Variants in CFAP74 observed in about 807,000 individuals in gnomAD.
The protein encoded by CFAP74 is cilia and flagella associated protein 74, also known as cilia- and flagella-associated protein 74.
Under a neutral mutation model 188.9 loss-of-function variants are expected in CFAP74, and 124 were observed. The ratio of observed to expected loss-of-function variants is 0.66; its 90% CI spans 0.57 to 0.76. The LOEUF (loss-of-function observed/expected upper bound fraction) is 0.76. Among genes scored for constraint, CFAP74 ranks in the 30% least tolerant of loss-of-function variants. The pLI is 0.00. For missense variants in CFAP74, 2,198 were observed against 2,165.2 expected (o/e 1.02, Z -0.30); for synonymous variants, 956 against 916.7 (o/e 1.04, Z -0.77).
chr1:1,965,026 G>T lies in CFAP74; in HGVS notation c.1437C>A (p.Gly479=). The change falls in exon 13 of 39, where the codon GGC becomes GGA. Residue 479 remains glycine (G), a synonymous_variant. Transcript: ENST00000682832. The stretch of plus-strand genomic sequence containing the variant: ...GGATGTCCTTGTCCATCTTTGTCCC[G>T]CCCACGGGCTTTCGGTCCACGTCCT... The part of the protein sequence containing the change: ...PKEDVDRKPV[G]GTKMDKDILE... 1 of 1,613,608 alleles carries T rather than the reference G, an allele frequency of 6.2e-7. No homozygotes were observed. Among genetic ancestry groups the T allele is most frequent in the South Asian group, 1.1e-5 (1 of 91,028 alleles).
At chr1:1,986,711 C>G (rs550399583) in intron 5 of CFAP74, among the ~76,000 whole-genome samples, 1 of 152,378 alleles carries the variant, frequency 6.6e-6, no homozygotes, top group East Asian at 1.9e-4. Context: ...CTTCCCCTGA[C>G]TGCTGACCCA....
chr1:1,952,688 C>T (rs1006488807), intron 18 of CFAP74, among the ~76,000 whole-genome samples: 10 of 151,766 alleles, frequency 6.6e-5, no homozygotes, highest in African/African-American at 2.4e-4. Flanking sequence ...GAGACAGGGT[C>T]TCTGTCGCCC....
rs78887406 is a variant in CFAP74, at chr1:1,990,736, A to G, written c.67+154T>C. ...CCACAATTTATCTTTCTTTCAAATA[A>G]AGACAATAATATAAGCTCCCTCTTT... On this transcript the variant is annotated intron_variant, in intron 2 of 38. Transcript: ENST00000682832. 1.3e-4 allele frequency among the ~76,000 whole-genome samples: 20 copies of G among 152,342 alleles called. No homozygotes were observed. In the East Asian group the frequency reaches 3.9e-3, roughly 29 times the overall value.
chr1:1,940,255 C>G, intron 23 of CFAP74, 61 bp downstream of exon 23: 1 of 1,351,862 alleles, frequency 7.4e-7, no homozygotes, highest in East Asian at 2.5e-5. Flanking sequence ...GCCTGGCCTC[C>G]CAGGAAAGCC....
At chr1:1,922,859 A>C in intron 37 of CFAP74, 126 bp downstream of exon 37, 1 of 1,481,962 alleles carries the variant, frequency 6.7e-7, no homozygotes, top group Non-Finnish European at 9.0e-7. Context: ...TGCCACAGGA[A>C]GTCCGAGAAA....
chr1:1,944,482 G>A (rs1250736035), intron 20 of CFAP74, 30 bp from the exon 21 acceptor site: 43 of 1,532,882 alleles, frequency 2.8e-5, no homozygotes, highest in Non-Finnish European at 3.8e-5. Context: ...CTCAGCAACA[G>A]GAGTTCCTTG....
At chr1:1,951,504 GTCTCTA>G (rs1276036807) in intron 18 of CFAP74, among the ~76,000 whole-genome samples, 1 of 152,160 alleles carries the variant, frequency 6.6e-6, no homozygotes, top group Non-Finnish European at 1.5e-5. Flanking sequence ...GTTCCGTTGG[GTCTCTA>G]TCTCTGTTCA....
chr1:1,936,721 TAGTG>T (rs893553619), intron 25 of CFAP74, among the ~76,000 whole-genome samples: 3 of 151,764 alleles, frequency 2.0e-5, no homozygotes, highest in African/African-American at 7.3e-5. Flanking sequence ...TTGGGCAACA[TAGTG>T]AGACCCCATC....
At position 1,926,097 on chromosome 1, in the gene CFAP74, G is replaced by T. The variant is rs1045040655; in HGVS notation, c.3948+131C>A. The T allele has an allele frequency of 4.3e-6, 6 of 1,409,542 alleles. No individual in the cohort carries two copies. The African/African-American group carries it at 7.3e-5, about 17-fold the overall frequency. 87.3% of individuals were successfully genotyped at this position (1,409,542 alleles called of 1,614,324 possible). ...TGGCGGCTGGTGTGAGGGCCTGGGG[G>T]CCAGGCTGCTCGCAGACCCAGGCTT... On this transcript the variant is annotated intron_variant, in intron 32 of 38. Coordinates refer to ENST00000682832, the MANE Select transcript of CFAP74 (RefSeq NM_001304360.2).
intron 22 of CFAP74, among the ~76,000 whole-genome samples, chr1:1,941,138 A>G (rs149454003): frequency 1.1e-4 from 16 of 152,158 alleles, no homozygotes; most frequent in African/African-American, 3.6e-4. Flanking sequence ...AAAGAAAGAA[A>G]TATCAGGAGA....
rs552586079 is a variant in CFAP74, at chr1:1,997,171, C to T, written c.-19-6196G>A. Among the ~76,000 whole-genome samples, 106 of 152,014 alleles carry T rather than the reference C, an allele frequency of 7.0e-4. 1 individual carries two copies. Among genetic ancestry groups the T allele is most frequent in the Admixed American group, 1.6e-3 (24 of 15,274 alleles). On this transcript the variant is annotated intron_variant, in intron 1 of 38. Coordinates refer to ENST00000682832, the MANE Select transcript of CFAP74 (RefSeq NM_001304360.2). ...GGCGCGGTGGCGCACGCCTGTAATCCCAGCACTTTGGGAGGCTAAGGTTGG... is the reference window on the plus strand; with the variant it reads ...GGCGCGGTGGCGCACGCCTGTAATCTCAGCACTTTGGGAGGCTAAGGTTGG...
intron 17 of CFAP74, 33 bp downstream of exon 17, chr1:1,956,587 C>T: frequency 1.2e-6 from 2 of 1,612,944 alleles, no homozygotes; most frequent in South Asian, 2.2e-5. Flanking sequence ...GGGCAGGTCC[C>T]CACACTCCCC....
intron 38 of CFAP74, 74 bp downstream of exon 38, chr1:1,922,515 C>T (rs927441952): frequency 3.0e-5 from 47 of 1,569,284 alleles, no homozygotes; most frequent in Non-Finnish European, 4.0e-5. Flanking sequence ...TCCCCTGGGA[C>T]TGGGCAGGGG....
At position 1,968,103 on chromosome 1, in the gene CFAP74, ATGAGTGAATGAATGAAGAATGAG is replaced by A. The variant is rs1369772332; in HGVS notation, c.1245+509_1245+531del. Among the ~76,000 whole-genome samples the A allele has an allele frequency of 1.3e-5, 2 of 151,840 alleles. No individual in the cohort carries two copies. The highest frequency in any genetic ancestry group is 6.5e-5 in the Admixed American group (1 of 15,282). ...GAGTAAAGAGTGAATGAGTGAATGA[ATGAGTGAATGAATGAAGAATGAG>A]TGAGTGAATGAATGAAGAAAGAATG... On this transcript the variant is annotated intron_variant, in intron 11 of 38. Transcript: ENST00000682832. The surrounding 1 kb of genome is among the most constrained non-coding windows in gnomAD (Gnocchi z 4.3).
At chr1:1,993,924 G>A (rs1428756863) in intron 1 of CFAP74, among the ~76,000 whole-genome samples, 3 of 151,010 alleles carry the variant, frequency 2.0e-5, no homozygotes, top group Non-Finnish European at 4.4e-5. Context: ...GGAGCTTGCA[G>A]TGAGCCGAGA....
Position 1,930,048 on chromosome 1 carries a change from G to A in CFAP74, c.3288+12C>T, listed in dbSNP as rs753648470. ...TCCTGCTTCCCAGCCTGCATGTGGG[G>A]CCCACACCCACCTTTCCTGGCCACA... On this transcript the variant is annotated intron_variant, in intron 26 of 38. Transcript: ENST00000682832. The A allele has an allele frequency of 4.7e-5, 70 of 1,502,454 alleles. No homozygotes were observed. Among genetic ancestry groups the A allele is most frequent in the Non-Finnish European group, 6.0e-5 (68 of 1,125,194 alleles). The allele number at this position is 1,502,454 out of a possible 1,614,324, so 93.1% of individuals were successfully genotyped here. A position where few individuals can be genotyped will look rare whatever the true frequency, so the allele number is the denominator to read the frequency against.
At position 1,990,973 on chromosome 1, in the gene CFAP74, T is replaced by C. The variant is rs1245592569; in HGVS notation, c.-17A>G. On this transcript the variant is annotated splice_region_variant and 5_prime_UTR_variant, in exon 2 of 39. Transcript: ENST00000682832. ...ATCCTCCATGCTGGGAGATAGAAAT[T>C]AGCTGCAAAAGATGATCGCAAAATA... 1.2e-6 allele frequency: 2 copies of C among 1,601,116 alleles called. No individual in the cohort carries two copies. The highest frequency in any genetic ancestry group is 4.5e-5 in the East Asian group (2 of 44,658).
At chr1:1,925,052 G>A (rs576395856) in intron 33 of CFAP74, among the ~76,000 whole-genome samples, 1 of 148,738 alleles carries the variant, frequency 6.7e-6, no homozygotes, top group Admixed American at 6.7e-5. Context: ...TGGTCCAAAG[G>A]CATGAGGGCA....
intron 21 of CFAP74, 115 bp downstream of exon 21, chr1:1,944,216 C>T (rs2803335): frequency 0.32 from 257,021 of 806,396 alleles, 62,317 homozygotes; most frequent in Admixed American, 0.5. Flanking sequence ...ACCCCGTGTG[C>T]GTGGGTCACC....
Sources: gnomAD v4.1 joint callset for allele counts (sites outside exome capture counted in the v4.1 genomes callset) on GRCh38, gnomAD v4.1.1 for gene constraint, Gnocchi (gnomAD v3.1) non-coding constraint, MANE v1.5 for transcripts, NCBI Gene and HGNC (gene_info 2026-07-23, HGNC 2026-07-21) for gene names.